Variants in MTRR observed in about 807,000 individuals in gnomAD.
MTRR encodes the protein methionine synthase reductase.
MTRR carries 63 observed loss-of-function variants against 79.2 expected under a neutral mutation model. The ratio of observed to expected loss-of-function variants is 0.80; its 90% confidence interval spans 0.65 to 0.98. The LOEUF is 0.98. Among genes scored for constraint, MTRR ranks in the 50% least tolerant of loss-of-function variants. The pLI, the probability that MTRR is intolerant of heterozygous loss-of-function variation, is 0.00. For missense variants in MTRR, 895 were observed against 839.6 expected (o/e 1.07, Z -0.82); for synonymous variants, 355 against 313.3 (o/e 1.13, Z -1.41).
intron 2 of MTRR, among the ~76,000 whole-genome samples, chr5:7,862,492 T>C (rs752837767): frequency 2.0e-5 from 3 of 152,168 alleles, no homozygotes; most frequent in Middle Eastern, 3.2e-3. Context: ...TAACAATTAG[T>C]GAGCATTTCC....
In MTRR at chr5:7,892,836, G is replaced by A; in HGVS notation, c.1480G>A (p.Ala494Thr). The change falls in exon 11 of 15, where the codon GCC (alanine) becomes ACC (threonine). Residue 494 changes from alanine to threonine, a missense_variant. Ala to Thr is a moderately conservative substitution (Grantham distance 58). Coordinates refer to ENST00000440940, the MANE Select transcript of MTRR (RefSeq NM_002454.3). ...GAAGGGAGTATGTACAGGCTGGCTG[G>A]CCTTGTTGGTTGCTTCAGTTCTTCA... is the stretch of plus-strand genomic sequence containing the variant. ...LRKGVCTGWL[A>T]LLVASVLQPN... 3 of 1,614,190 alleles carry A rather than the reference G, an allele frequency of 1.9e-6. No individual in the cohort carries two copies. Among genetic ancestry groups the A allele is most frequent in the Non-Finnish European group, 8.5e-7 (1 of 1,180,038 alleles).
intron 1 of MTRR, among the ~76,000 whole-genome samples, chr5:7,858,573 TA>T (rs1298217421): frequency 6.6e-6 from 1 of 152,114 alleles, no homozygotes; most frequent in Non-Finnish European, 1.5e-5. Flanking sequence ...TAAAGTGAAG[TA>T]AAAACCATGA....
At chr5:7,897,591 T>G (rs548856887) in intron 14 of MTRR, among the ~76,000 whole-genome samples, 24 of 152,288 alleles carry the variant, frequency 1.6e-4, no homozygotes, top group African/African-American at 5.5e-4. Flanking sequence ...AATAGGTGAT[T>G]TGTGCTGTTG....
At chr5:7,894,352 C>G (rs1276079774) in intron 11 of MTRR, among the ~76,000 whole-genome samples, 1 of 152,250 alleles carries the variant, frequency 6.6e-6, no homozygotes, top group Non-Finnish European at 1.5e-5. Flanking sequence ...TTCAGCCTGG[C>G]TGTGTGAACA....
chr5:7,855,486 G>A (rs1187727794), intron 1 of MTRR, among the ~76,000 whole-genome samples: 2 of 151,078 alleles, frequency 1.3e-5, no homozygotes, highest in East Asian at 3.9e-4. Flanking sequence ...TAATTTTCAT[G>A]CTGAATAGAG....
chr5:7,897,035 T>C (rs976917029), intron 13 of MTRR, 30 bp from the exon 14 acceptor site: 2 of 1,613,066 alleles, frequency 1.2e-6, no homozygotes, highest in Non-Finnish European at 1.7e-6. Flanking sequence ...TTGACAACCT[T>C]TTAGTGATCC....
upstream of MTRR, among the ~76,000 whole-genome samples, chr5:7,866,313 C>CA (rs35385669): frequency 0.49 from 69,107 of 140,316 alleles, 17,383 homozygotes; most frequent in Non-Finnish European, 0.58. Flanking sequence ...ACCATCCTCT[C>CA]AAAAAAAAAA....
intron 1 of MTRR, among the ~76,000 whole-genome samples, chr5:7,857,278 T>C (rs1049958639): frequency 2.0e-5 from 3 of 152,174 alleles, no homozygotes; most frequent in African/African-American, 7.2e-5. Context: ...CAGATCACTT[T>C]TGTTTGTACA....
At chr5:7,856,576 C>T (rs572198268) in intron 1 of MTRR, among the ~76,000 whole-genome samples, 2 of 152,204 alleles carry the variant, frequency 1.3e-5, no homozygotes, top group Non-Finnish European at 2.9e-5. Flanking sequence ...TTGGGCTAAA[C>T]AGCTTACAAG....
At chr5:7,872,340 A>T (rs1414380289) in intron 2 of MTRR, 1 of 369,422 alleles carries the variant, frequency 2.7e-6, no homozygotes, top group Non-Finnish European at 5.3e-6. Flanking sequence ...GAAATACTTA[A>T]ATTTACACGA....
chr5:7,861,880 A>C lies in MTRR; in HGVS notation n.392-71A>C, dbSNP rs946019258. 8 of 800,652 alleles carry C rather than the reference A, an allele frequency of 1.0e-5. No individual in the cohort carries two copies. The African/African-American group carries it at 1.2e-4, about 12-fold the overall frequency. 49.6% of individuals were successfully genotyped at this position (800,652 alleles called of 1,614,324 possible). Reference sequence around the variant, plus strand: ...TAAGAAAGCTCAATAACGCTAAACCACAGAATGGGTTCTGAAGTTATCTGG... The same window carrying C: ...TAAGAAAGCTCAATAACGCTAAACCCCAGAATGGGTTCTGAAGTTATCTGG... On this transcript the variant is annotated intron_variant and non_coding_transcript_variant, in intron 1 of 3. Transcript: ENST00000502509.
chr5:7,855,429 AAAAG>A (rs1030127809), intron 1 of MTRR, among the ~76,000 whole-genome samples: 29 of 151,494 alleles, frequency 1.9e-4, no homozygotes, highest in African/African-American at 6.3e-4. Flanking sequence ...GGAAAAAAAA[AAAAG>A]AAAAAGTTAA....
intron 1 of MTRR, among the ~76,000 whole-genome samples, chr5:7,858,753 T>C (rs1482215150): frequency 6.6e-6 from 1 of 151,930 alleles, no homozygotes. Context: ...TCGGCTCTCT[T>C]GTCCTCTTCT....
chr5:7,884,081 T>C (rs1334063027), intron 6 of MTRR, among the ~76,000 whole-genome samples: 1 of 152,196 alleles, frequency 6.6e-6, no homozygotes, highest in African/African-American at 2.4e-5. Flanking sequence ...GGAGGACTGC[T>C]TGAGCCTGGG....
At chr5:7,858,543 A>C (rs1228214644) in intron 1 of MTRR, among the ~76,000 whole-genome samples, 1 of 152,204 alleles carries the variant, frequency 6.6e-6, no homozygotes, top group East Asian at 1.9e-4. Flanking sequence ...TCTAAAGATA[A>C]GTAAATAGAC....
chr5:7,896,423 A>C, intron 12 of MTRR: 1 of 209,294 alleles, frequency 4.8e-6, no homozygotes, highest in South Asian at 8.3e-5. Flanking sequence ...TTTCGTTTTA[A>C]TTTTTTCCTT....
In MTRR at chr5:7,899,913, G is replaced by C. The variant is rs1457899370; in HGVS notation, c.1953-1G>C. The stretch of plus-strand genomic sequence containing the variant: ...AGTCATCTTATTATTTTCTTTTCTA[G>C]AGATGCAAAGAATATGGCCAAGGAT... On this transcript the variant is annotated splice_acceptor_variant, in intron 14 of 14. Transcript: ENST00000440940. LOFTEE classifies it high-confidence loss of function. 2 of 1,614,002 alleles carry C rather than the reference G, an allele frequency of 1.2e-6. No homozygotes were observed. Among genetic ancestry groups the C allele is most frequent in the Non-Finnish European group, 1.7e-6 (2 of 1,180,014 alleles).
upstream of MTRR, chr5:7,850,874 C>A (rs940049903): frequency 6.0e-6 from 8 of 1,324,652 alleles, no homozygotes; most frequent in Admixed American, 1.9e-4. Context: ...GCGGTCCTCA[C>A]CCGCGCCGGG....
chr5:7,861,789 C>A, intron 1 of MTRR: 1 of 1,400,992 alleles, frequency 7.1e-7, no homozygotes, highest in South Asian at 1.7e-5. Flanking sequence ...AAGTAATGAC[C>A]ACAACCAAAC....
Sources: gnomAD v4.1 joint callset for allele counts (sites outside exome capture counted in the v4.1 genomes callset) on GRCh38, gnomAD v4.1.1 for gene constraint, MANE v1.5 for transcripts, NCBI Gene and HGNC (gene_info 2026-07-23, HGNC 2026-07-21) for gene names.